The following CHRM2 variants were observed in gnomAD, a reference collection of about 807,000 sequenced individuals.
The protein encoded by CHRM2 is muscarinic acetylcholine receptor M2.
A neutral mutation model predicts 25.0 loss-of-function variants in CHRM2; 8 were observed. The observed-to-expected ratio is 0.32, with a 90% CI of 0.19 to 0.58. The LOEUF is 0.58. CHRM2 is among the 20% of genes least tolerant of loss of function. The pLI, the probability that CHRM2 is intolerant of heterozygous loss-of-function variation, is 0.88. For synonymous variants in CHRM2, 202 were observed against 205.7 expected, an observed-to-expected ratio of 0.98 and a Z score of 0.15; for missense variants, 440 against 567.1, an observed-to-expected ratio of 0.78 and a Z score of 2.28.
intron 2 of CHRM2, among the ~76,000 whole-genome samples, chr7:136,908,867 A>C (rs1468879355): frequency 6.6e-6 from 1 of 151,950 alleles, no homozygotes; most frequent in Non-Finnish European, 1.5e-5. Flanking sequence ...TGTAGACCCA[A>C]AGCTAAATCG....
intron 2 of CHRM2, among the ~76,000 whole-genome samples, chr7:136,984,847 C>T (rs182599027): frequency 5.9e-5 from 9 of 151,972 alleles, no homozygotes; most frequent in East Asian, 5.9e-4. Flanking sequence ...CTGCCTTCTG[C>T]GTTGGTCTCG....
At position 136,910,800 on chromosome 7, in the gene CHRM2, A is replaced by AGTGTGTGTGT. The variant is rs71533718; in HGVS notation, c.-125+41404_-125+41413dup. On this transcript the variant is annotated intron_variant, in intron 2 of 3. Transcript: ENST00000680005. ...GGTTTGGTGTGGTTATTTAAAATTA[A>AGTGTGTGTGT]GTGTGTGTGTGTGTGTGTGTGTGTG... 7.5e-3 allele frequency among the ~76,000 whole-genome samples: 1,089 copies of AGTGTGTGTGT among 145,740 alleles called. 4 individuals are homozygous for AGTGTGTGTGT. Among genetic ancestry groups the AGTGTGTGTGT allele is most frequent in the Middle Eastern group, 0.029 (8 of 280 alleles).
At chr7:137,001,117 C>G (rs1257338874) in intron 3 of CHRM2, among the ~76,000 whole-genome samples, 1 of 152,036 alleles carries the variant, frequency 6.6e-6, no homozygotes, top group Non-Finnish European at 1.5e-5. Context: ...GGGCATTGTG[C>G]CAAACATAAT....
At chr7:136,928,545 T>C (rs1798873395) in intron 2 of CHRM2, among the ~76,000 whole-genome samples, 3 of 152,224 alleles carry the variant, frequency 2.0e-5, no homozygotes, top group African/African-American at 7.2e-5. Flanking sequence ...TCCACTTTAC[T>C]TGTATTCATT....
At chr7:136,980,918 C>T (rs1802444834) in intron 2 of CHRM2, among the ~76,000 whole-genome samples, 1 of 152,152 alleles carries the variant, frequency 6.6e-6, no homozygotes, top group Admixed American at 6.5e-5. Flanking sequence ...TTTTGTGTGT[C>T]TCTGCCAGCT....
intron 2 of CHRM2, among the ~76,000 whole-genome samples, chr7:136,929,345 T>G (rs929450475): frequency 6.6e-6 from 1 of 151,876 alleles, no homozygotes; most frequent in African/African-American, 2.4e-5. Context: ...ACCCAGCTAT[T>G]TATCTGAGAA....
Position 136,966,242 on chromosome 7 carries a change from C to T in CHRM2, c.-124-25945C>T, listed in dbSNP as rs902580979. On this transcript the variant is annotated intron_variant, in intron 2 of 3. Coordinates refer to ENST00000680005, the MANE Select transcript of CHRM2 (RefSeq NM_001006630.2). ...AAACCATTTTCAATTTAAAAGAATG[C>T]GTTTTATTCTGATATTGTTTTATTC... Among the ~76,000 whole-genome samples, 11 of 151,246 alleles carry T rather than the reference C, an allele frequency of 7.3e-5. No homozygotes were observed. In the South Asian group the frequency reaches 8.3e-4, roughly 11 times the overall value.
intron 2 of CHRM2, among the ~76,000 whole-genome samples, chr7:136,934,338 A>G (rs1379819228): frequency 2.0e-5 from 3 of 151,788 alleles, no homozygotes; most frequent in East Asian, 1.9e-4. Context: ...TCTATTTTTT[A>G]TTCTTATGTC....
intron 2 of CHRM2, among the ~76,000 whole-genome samples, chr7:136,989,943 CA>C (rs1417471735): frequency 1.3e-5 from 2 of 152,166 alleles, no homozygotes; most frequent in Non-Finnish European, 2.9e-5. Context: ...CACCTCCCTT[CA>C]CCTCTCCCAG....
At chr7:136,951,911 C>A (rs114424878) in intron 2 of CHRM2, among the ~76,000 whole-genome samples, 2,142 of 152,232 alleles carry the variant, frequency 0.014, 47 homozygotes, top group African/African-American at 0.049. Context: ...CTGCTCTTTT[C>A]TCTCTCTTCT....
chr7:137,003,465 T>C (rs1804188643), intron 3 of CHRM2, among the ~76,000 whole-genome samples: 2 of 143,844 alleles, frequency 1.4e-5, no homozygotes, highest in Non-Finnish European at 3.0e-5. Context: ...TGCATATGCA[T>C]GCATGCATAC....
chr7:136,874,729 G>C lies in CHRM2; in HGVS notation c.-125+5311G>C, dbSNP rs966208144. On this transcript the variant is annotated intron_variant, in intron 2 of 3. Coordinates refer to ENST00000680005, the MANE Select transcript of CHRM2 (RefSeq NM_001006630.2). Reference sequence around the variant, plus strand: ...CAAACAAAAATTCAACTGGACCTAAGCAAGAAGGACTTTGAATTAATATGT... The same window carrying C: ...CAAACAAAAATTCAACTGGACCTAACCAAGAAGGACTTTGAATTAATATGT... Among the ~76,000 whole-genome samples the C allele has an allele frequency of 3.3e-5, 5 of 152,074 alleles. No individual in the cohort carries two copies. In the East Asian group the frequency reaches 9.7e-4, roughly 29 times the overall value.
intron 2 of CHRM2, among the ~76,000 whole-genome samples, chr7:136,926,717 T>C (rs1413824356): frequency 1.3e-5 from 2 of 152,214 alleles, no homozygotes; most frequent in East Asian, 3.9e-4. Context: ...CCCAGGAGTT[T>C]ATTATATCTG....
intron 2 of CHRM2, among the ~76,000 whole-genome samples, chr7:136,976,688 T>C (rs1446949826): frequency 6.6e-6 from 1 of 152,160 alleles, no homozygotes; most frequent in Non-Finnish European, 1.5e-5. Flanking sequence ...GACTAGACAT[T>C]AGCAACAACA....
At chr7:136,995,739 C>A (rs1041994580) in intron 3 of CHRM2, among the ~76,000 whole-genome samples, 2 of 151,942 alleles carry the variant, frequency 1.3e-5, no homozygotes, top group African/African-American at 4.8e-5. Flanking sequence ...ACACTCCAGC[C>A]TTTGCAACAG....
chr7:137,006,112 T>A (rs1804407821), intron 3 of CHRM2, among the ~76,000 whole-genome samples: 1 of 152,110 alleles, frequency 6.6e-6, no homozygotes, highest in South Asian at 2.1e-4. Context: ...CTAGATTACA[T>A]TCATCATCAA....
chr7:136,991,669 T>C (rs1226575422), intron 2 of CHRM2, among the ~76,000 whole-genome samples: 1 of 152,114 alleles, frequency 6.6e-6, no homozygotes, highest in African/African-American at 2.4e-5. Flanking sequence ...TAGATATTTA[T>C]ATAGATTGAC....
chr7:136,916,325 A>T (rs1404094956), intron 2 of CHRM2, among the ~76,000 whole-genome samples: 1 of 151,900 alleles, frequency 6.6e-6, no homozygotes, highest in African/African-American at 2.4e-5. Context: ...TAAATAATAT[A>T]CTATCCTCTA....
chr7:137,014,679 A>G, intron 3 of CHRM2, 141 bp from the exon 4 acceptor site: 1 of 636,560 alleles, frequency 1.6e-6, no homozygotes, highest in Non-Finnish European at 2.7e-6. Context: ...TACATGGGGA[A>G]TTGAGGCAGG....
Sources: gnomAD v4.1 joint callset for allele counts (sites outside exome capture counted in the v4.1 genomes callset) on GRCh38, gnomAD v4.1.1 for gene constraint, MANE v1.5 for transcripts, NCBI Gene and HGNC (gene_info 2026-07-23, HGNC 2026-07-21) for gene names.